The following GLIS3 variants were observed in gnomAD, a reference collection of about 807,000 sequenced individuals.
The protein encoded by GLIS3 is zinc finger protein GLIS3.
GLIS3 carries 53 observed loss-of-function variants against 78.6 expected under a neutral mutation model. The observed-to-expected ratio is 0.67, with a 90% CI of 0.54 to 0.85. GLIS3 has a LOEUF of 0.85. GLIS3 is among the 40% of genes least tolerant of loss of function. The pLI is 0.00. For missense variants in GLIS3, 1,703 were observed against 1,231.1 expected (o/e 1.38, Z -5.74); for synonymous variants, 684 against 509.9 (o/e 1.34, Z -4.60).
chr9:4,156,913 G>C (rs974730131), intron 2 of GLIS3, among the ~76,000 whole-genome samples: 3 of 152,160 alleles, frequency 2.0e-5, no homozygotes, highest in African/African-American at 4.8e-5. Context: ...CCTGGAGCTT[G>C]TCAGAAATGC....
At chr9:4,272,552 T>C (rs79585843) in intron 2 of GLIS3, among the ~76,000 whole-genome samples, 2,049 of 152,274 alleles carry the variant, frequency 0.013, 36 homozygotes, top group African/African-American at 0.047. Context: ...GAATACCTCA[T>C]AGGGTTATAG....
chr9:3,844,967 G>A (rs182536896), intron 9 of GLIS3, among the ~76,000 whole-genome samples: 2 of 152,150 alleles, frequency 1.3e-5, no homozygotes, highest in South Asian at 4.1e-4. Context: ...CTTCCTAAAA[G>A]AGTATGTGTC....
intron 2 of GLIS3, among the ~76,000 whole-genome samples, chr9:4,261,646 T>C (rs1026985738): frequency 1.3e-5 from 2 of 152,196 alleles, no homozygotes; most frequent in South Asian, 2.1e-4. Context: ...AGAATGCCCC[T>C]GAGCGAATGG....
intron 2 of GLIS3, among the ~76,000 whole-genome samples, chr9:4,272,338 G>A (rs1171355992): frequency 6.6e-6 from 1 of 152,136 alleles, no homozygotes. Context: ...TAGACATAAT[G>A]TATCTTTCAG....
In GLIS3 at chr9:3,977,930, T is replaced by C. The variant is rs1163943496; in HGVS notation, c.1711-40741A>G. On this transcript the variant is annotated intron_variant, in intron 4 of 10. Transcript: ENST00000381971. The surrounding 1 kb of genome is among the most constrained non-coding windows in gnomAD (Gnocchi z 4.1). ...CTAACTTTTATTTGTGAGTGTGAAA[T>C]GGTAATATTTCATGACAGCGAAAGG... Among the ~76,000 whole-genome samples, 2 of 152,198 alleles carry C rather than the reference T, an allele frequency of 1.3e-5. No individual in the cohort carries two copies. Among genetic ancestry groups the C allele is most frequent in the Non-Finnish European group, 2.9e-5 (2 of 68,044 alleles).
intron 9 of GLIS3, among the ~76,000 whole-genome samples, chr9:3,843,154 G>A (rs750966763): frequency 6.6e-6 from 1 of 152,172 alleles, no homozygotes; most frequent in Non-Finnish European, 1.5e-5. Context: ...TTAGACTTCT[G>A]TTGTCCAGCT....
intron 4 of GLIS3, among the ~76,000 whole-genome samples, chr9:4,073,500 G>A (rs1233063319): frequency 4.6e-5 from 7 of 152,172 alleles, no homozygotes; most frequent in African/African-American, 1.7e-4. Context: ...CAGGCTTAGA[G>A]AGCTGGTAGA....
intron 5 of GLIS3, among the ~76,000 whole-genome samples, chr9:3,934,909 C>A (rs1825807583): frequency 6.6e-6 from 1 of 152,104 alleles, no homozygotes. Context: ...AACTAGCATG[C>A]TACACTTCAT....
intron 2 of GLIS3, among the ~76,000 whole-genome samples, chr9:4,335,564 A>G: frequency 6.6e-6 from 1 of 152,142 alleles, no homozygotes; most frequent in East Asian, 1.9e-4. Context: ...TCTGGTGTCT[A>G]TCTCCCTCAC....
At chr9:4,257,418 A>G (rs1319519069) in intron 2 of GLIS3, among the ~76,000 whole-genome samples, 1 of 152,250 alleles carries the variant, frequency 6.6e-6, no homozygotes, top group Non-Finnish European at 1.5e-5. Flanking sequence ...CATAAGGACT[A>G]AAGTTAATAA....
chr9:4,118,135 G>A lies in GLIS3; in HGVS notation c.1343C>T (p.Pro448Leu). ...TGGGGGCGGCGGCAGAGGAGGGAGC[G>A]GAGGCGCGGGGGGTAGGTCTACGGT... ...GSTVDLPPAP[P>L]LPPLPPPPGP... Residue 448 changes from proline to leucine, a missense_variant, in exon 4 of 11, where the codon CCG becomes CTG. By Grantham distance (98) the Pro-to-Leu change is moderately conservative. Transcript: ENST00000381971. The surrounding 1 kb of genome is among the most constrained non-coding windows in gnomAD (Gnocchi z 4.7). The A allele has an allele frequency of 6.5e-7, 1 of 1,550,386 alleles. No individual in the cohort carries two copies.
intron 4 of GLIS3, among the ~76,000 whole-genome samples, chr9:4,102,686 T>C (rs1336128275): frequency 1.3e-5 from 2 of 152,174 alleles, no homozygotes; most frequent in African/African-American, 4.8e-5. Flanking sequence ...TAGGATAGTA[T>C]ATCTTACTAG....
chr9:4,178,573 C>T (rs191128750), intron 2 of GLIS3, among the ~76,000 whole-genome samples: 1 of 152,330 alleles, frequency 6.6e-6, no homozygotes, highest in Admixed American at 6.5e-5. Flanking sequence ...AGGGCTTGAC[C>T]TACATATACC....
chr9:4,139,803 A>G lies in GLIS3; in HGVS notation c.389-13862T>C, dbSNP rs114476173. Among the ~76,000 whole-genome samples, 1,264 of 152,216 alleles carry G rather than the reference A, an allele frequency of 8.3e-3. 18 individuals carry two copies. The highest frequency in any genetic ancestry group is 0.029 in the African/African-American group (1,209 of 41,538). Reference sequence around the variant, plus strand: ...AGTTCACTATGGGGTTTCTGCCTCTATGAGAATCTAATCCCACTGCTGATC... The same window carrying G: ...AGTTCACTATGGGGTTTCTGCCTCTGTGAGAATCTAATCCCACTGCTGATC... On this transcript the variant is annotated intron_variant, in intron 2 of 10. Transcript: ENST00000381971.
Position 4,204,920 on chromosome 9 carries a change from AAAG to A in GLIS3, c.389-78982_389-78980del, listed in dbSNP as rs554184395. On this transcript the variant is annotated intron_variant, in intron 2 of 10. Transcript: ENST00000381971. Reference sequence around the variant, plus strand: ...CAAAGCAAAGCTCCATCTCAAAAAAAAAGAAGGAGTCAGTTGGGAGGCCGAGGT... The same window carrying A: ...CAAAGCAAAGCTCCATCTCAAAAAAAAAGGAGTCAGTTGGGAGGCCGAGGT... Among the ~76,000 whole-genome samples the A allele has an allele frequency of 3.8e-4, 57 of 151,200 alleles. No homozygotes were observed. The East Asian group carries it at 5.3e-3, about 14-fold the overall frequency.
At chr9:4,033,883 A>AAC (rs915328080) in intron 4 of GLIS3, among the ~76,000 whole-genome samples, 1 of 150,778 alleles carries the variant, frequency 6.6e-6, no homozygotes, top group Non-Finnish European at 1.5e-5. Flanking sequence ...AAAAAAAAAA[A>AAC]AAAAAAACTA....
chr9:4,179,773 G>C (rs969953712), intron 2 of GLIS3, among the ~76,000 whole-genome samples: 2 of 152,032 alleles, frequency 1.3e-5, no homozygotes, highest in Admixed American at 6.6e-5. Flanking sequence ...AGCCGGGTTT[G>C]GTGGCGCATG....
At chr9:4,093,894 C>T (rs886859458) in intron 4 of GLIS3, among the ~76,000 whole-genome samples, 4 of 152,214 alleles carry the variant, frequency 2.6e-5, no homozygotes, top group African/African-American at 9.6e-5. Flanking sequence ...CCTGAGGTCT[C>T]ACCTTATAAT....
At chr9:4,471,394 G>A in the GLIS3 span, among the ~76,000 whole-genome samples, 9 of 152,146 alleles carry the variant, frequency 5.9e-5, no homozygotes, top group Non-Finnish European at 1.0e-4. Context: ...CATGGTACTG[G>A]TACCAAAAGA....
Sources: allele counts gnomAD v4.1 joint callset (sites outside exome capture counted in the v4.1 genomes callset), GRCh38; gene constraint gnomAD v4.1.1; non-coding constraint Gnocchi (gnomAD v3.1); transcripts MANE v1.5; gene names NCBI Gene and HGNC (gene_info 2026-07-23, HGNC 2026-07-21).